HERPUD2: variants seen among roughly 807,000 people sequenced by gnomAD.
HERPUD2 encodes the protein HERPUD family member 2.
A neutral mutation model predicts 49.9 loss-of-function variants in HERPUD2; 13 were observed. That is an observed-to-expected ratio of 0.26 (90% CI 0.17 to 0.41). The LOEUF (loss-of-function observed/expected upper bound fraction) is 0.41. Among genes scored for constraint, HERPUD2 ranks in the 10% least tolerant of loss-of-function variants. The pLI is 1.00. For synonymous variants in HERPUD2, 172 were observed against 171.4 expected (o/e 1.00, Z -0.03); for missense variants, 449 against 492.2 (o/e 0.91, Z 0.83).
At chr7:35,684,322 G>A (rs1476752461) in intron 2 of HERPUD2, among the ~76,000 whole-genome samples, 1 of 151,830 alleles carries the variant, frequency 6.6e-6, no homozygotes, top group Middle Eastern at 3.2e-3. Flanking sequence ...CCCGGGAGGC[G>A]GAGCTTCCAG....
rs1268194720 is a variant in HERPUD2, at chr7:35,667,633, CA to C, written c.340-46del. 5 of 1,477,064 alleles carry C rather than the reference CA, an allele frequency of 3.4e-6. No homozygotes were observed. In the African/African-American group the frequency reaches 7.0e-5, roughly 21 times the overall value. 91.5% of individuals were successfully genotyped at this position (1,477,064 alleles called of 1,614,324 possible). ...TTTTAAAAGGAGATTTAGTTCTTTA[CA>C]ATCATAAAATTACAGGCACATTACT... is the stretch of plus-strand genomic sequence containing the variant. On this transcript the variant is annotated intron_variant, in intron 4 of 8. Transcript: ENST00000311350.
chr7:35,637,923 C>T (rs1784897293), intron 6 of HERPUD2, among the ~76,000 whole-genome samples: 2 of 152,234 alleles, frequency 1.3e-5, no homozygotes, highest in South Asian at 2.1e-4. Context: ...GTCCTCAATG[C>T]TAGGACTGTT....
At chr7:35,650,103 C>T (rs887314225) in intron 5 of HERPUD2, among the ~76,000 whole-genome samples, 5 of 152,064 alleles carry the variant, frequency 3.3e-5, no homozygotes, top group Non-Finnish European at 5.9e-5. Flanking sequence ...GGCTTCATGA[C>T]GGCTAACTAG....
At chr7:35,635,067 C>A in intron 7 of HERPUD2, 68 bp downstream of exon 7, 1 of 1,167,660 alleles carries the variant, frequency 8.6e-7, no homozygotes. Context: ...AACAGACTAC[C>A]CTACACCAGA....
intron 5 of HERPUD2, among the ~76,000 whole-genome samples, chr7:35,656,123 C>G (rs574380931): frequency 4.6e-5 from 7 of 152,074 alleles, no homozygotes; most frequent in Non-Finnish European, 4.4e-5. Flanking sequence ...GATTGTGCCA[C>G]TGCACTCCAG....
At chr7:35,637,005 A>AT (rs1178394976) in intron 6 of HERPUD2, among the ~76,000 whole-genome samples, 2 of 152,110 alleles carry the variant, frequency 1.3e-5, no homozygotes, top group Non-Finnish European at 2.9e-5. Context: ...GTGGTGGCAC[A>AT]TATCTGTAAT....
chr7:35,656,420 T>C (rs1785276272), intron 5 of HERPUD2, among the ~76,000 whole-genome samples: 1 of 151,546 alleles, frequency 6.6e-6, no homozygotes, highest in African/African-American at 2.4e-5. Context: ...ATCTATAAAT[T>C]CAATGAAAAT....
intron 6 of HERPUD2, among the ~76,000 whole-genome samples, chr7:35,636,443 CT>C (rs1354376914): frequency 6.6e-6 from 1 of 152,162 alleles, no homozygotes; most frequent in Non-Finnish European, 1.5e-5. Context: ...AGTTACATTA[CT>C]TTAAAGGGGA....
chr7:35,667,673 T>C, intron 4 of HERPUD2, 85 bp from the exon 5 acceptor site: 1 of 1,007,788 alleles, frequency 9.9e-7, no homozygotes, highest in Non-Finnish European at 1.5e-6. Flanking sequence ...AACGTATTCA[T>C]GAAATCCCTC....
At chr7:35,683,023 T>C (rs1197375285) in intron 2 of HERPUD2, among the ~76,000 whole-genome samples, 2 of 152,072 alleles carry the variant, frequency 1.3e-5, no homozygotes, top group African/African-American at 4.8e-5. Flanking sequence ...TTCAACGCAA[T>C]TCCCATCAAA....
chr7:35,642,401 T>C (rs1161066126), intron 5 of HERPUD2, among the ~76,000 whole-genome samples: 1 of 152,168 alleles, frequency 6.6e-6, no homozygotes, highest in African/African-American at 2.4e-5. Context: ...AGCAGAGTGG[T>C]GATTCCTCAA....
chr7:35,662,410 C>T (rs1785444587), intron 5 of HERPUD2, among the ~76,000 whole-genome samples: 1 of 152,140 alleles, frequency 6.6e-6, no homozygotes, highest in African/African-American at 2.4e-5. Flanking sequence ...GGGAGGATCC[C>T]CTCTTTTTCT....
chr7:35,692,591 G>C (rs1487906487), intron 2 of HERPUD2, among the ~76,000 whole-genome samples: 2 of 152,184 alleles, frequency 1.3e-5, no homozygotes, highest in East Asian at 1.9e-4. Flanking sequence ...TCAAACAAAA[G>C]ATGTGAATAA....
chr7:35,641,389 C>T (rs1194059900), intron 5 of HERPUD2, among the ~76,000 whole-genome samples: 1 of 152,106 alleles, frequency 6.6e-6, no homozygotes, highest in African/African-American at 2.4e-5. Context: ...ATTAAAATGG[C>T]CATATTATCC....
chr7:35,667,641 A>T (rs949528338), intron 4 of HERPUD2, 53 bp from the exon 5 acceptor site: 2 of 1,391,784 alleles, frequency 1.4e-6, no homozygotes, highest in African/African-American at 2.9e-5. Context: ...TACAATCATA[A>T]AATTACAGGC....
At chr7:35,673,320 A>G in intron 2 of HERPUD2, 42 bp from the exon 3 acceptor site, 2 of 1,478,598 alleles carry the variant, frequency 1.4e-6, no homozygotes, top group South Asian at 2.4e-5. Context: ...TTTTCTAATT[A>G]TGCAAATTGA....
intron 5 of HERPUD2, among the ~76,000 whole-genome samples, chr7:35,642,571 A>G (rs78370888): frequency 0.075 from 11,388 of 152,296 alleles, 600 homozygotes; most frequent in South Asian, 0.21. Context: ...ATGCTCATCA[A>G]TGACAGATTG....
chr7:35,650,267 C>A (rs980375808), intron 5 of HERPUD2, among the ~76,000 whole-genome samples: 1 of 152,062 alleles, frequency 6.6e-6, no homozygotes, highest in African/African-American at 2.4e-5. Flanking sequence ...AGCAAGGCAG[C>A]CTGCTGCACT....
At chr7:35,672,938 CATTTTCTTACAAA>C (rs1785673606) in intron 3 of HERPUD2, among the ~76,000 whole-genome samples, 1 of 152,056 alleles carries the variant, frequency 6.6e-6, no homozygotes, top group Non-Finnish European at 1.5e-5. Context: ...ACGTCAATAG[CATTTTCTTACAAA>C]AAATGACAAA....
Sources: allele counts gnomAD v4.1 joint callset (sites outside exome capture counted in the v4.1 genomes callset), GRCh38; gene constraint gnomAD v4.1.1; transcripts MANE v1.5; gene names NCBI Gene and HGNC (gene_info 2026-07-23, HGNC 2026-07-21).